Variants in CACNG5 observed in about 807,000 individuals in gnomAD.
CACNG5 encodes voltage-dependent calcium channel gamma-5 subunit.
In CACNG5, 18 loss-of-function variants were observed where a neutral mutation model predicts 24.8. The observed-to-expected ratio is 0.73, with a 90% CI of 0.50 to 1.08. The LOEUF (loss-of-function observed/expected upper bound fraction) is 1.08, where lower values mean the gene tolerates loss of function less well. Among genes scored for constraint, CACNG5 ranks in the 50% least tolerant of loss-of-function variants. CACNG5 has a pLI of 0.00. For synonymous variants in CACNG5, 157 were observed against 149.1 expected (o/e 1.05, Z -0.39); for missense variants, 349 against 367.9 (o/e 0.95, Z 0.42).
At position 66,884,633 on chromosome 17, in the gene CACNG5, TCGC is replaced by T; in HGVS notation, c.547_549del (p.Ala183del). 1 of 1,614,170 alleles carries T rather than the reference TCGC, an allele frequency of 6.2e-7. No individual in the cohort carries two copies. The highest frequency in any genetic ancestry group is 8.5e-7 in the Non-Finnish European group (1 of 1,180,040). ...TACAAGTATGGGTGGTCGTTTGCCT[TCGC>T]CGCCATCTCCTTCCTTTTAACGGAG... is the stretch of plus-strand genomic sequence containing the variant. On this transcript the variant is annotated inframe_deletion, in exon 5 of 6. Coordinates refer to ENST00000533854, the MANE Select transcript of CACNG5 (RefSeq NM_145811.3).
At chr17:66,844,908 A>C (rs924391800) in intron 1 of CACNG5, among the ~76,000 whole-genome samples, 1 of 152,196 alleles carries the variant, frequency 6.6e-6, no homozygotes, top group African/African-American at 2.4e-5. Context: ...AATGTAACCA[A>C]AATGTCTAGC....
chr17:66,879,020 A>G lies in CACNG5; in HGVS notation c.245A>G (p.Asn82Ser). 6.2e-7 allele frequency: 1 copy of G among 1,614,004 alleles called. No individual in the cohort carries two copies. The highest frequency in any genetic ancestry group is 8.5e-7 in the Non-Finnish European group (1 of 1,179,942). The stretch of plus-strand genomic sequence containing the variant: ...ACCATAGAATATGTGATGCCCATGA[A>G]CACCCAGCTGACATCCGAGTCCACG... ...CFTIEYVMPM[N>S]TQLTSESTVN... Residue 82 changes from asparagine to serine, a missense_variant, in exon 3 of 6, where the codon AAC becomes AGC. Physicochemically the swap from Asn to Ser is conservative, Grantham distance 46 (BLOSUM62 1). Transcript: ENST00000533854.
At chr17:66,876,234 C>T (rs982868182) in intron 1 of CACNG5, among the ~76,000 whole-genome samples, 1 of 152,218 alleles carries the variant, frequency 6.6e-6, no homozygotes, top group Non-Finnish European at 1.5e-5. Flanking sequence ...TTAAAAAATA[C>T]CATTGTCCAG....
chr17:66,879,116 G>T, intron 3 of CACNG5, 58 bp downstream of exon 3: 1 of 1,274,176 alleles, frequency 7.8e-7, no homozygotes, highest in Non-Finnish European at 1.1e-6. Context: ...GAGCAAGGCA[G>T]AGGGAAGAGT....
At chr17:66,880,739 TG>T in intron 4 of CACNG5, 42 bp downstream of exon 4, 1 of 1,599,454 alleles carries the variant, frequency 6.3e-7, no homozygotes, top group Non-Finnish European at 8.5e-7. Flanking sequence ...TGGAATTTTT[TG>T]TTTTTTGTTT....
intron 1 of CACNG5, among the ~76,000 whole-genome samples, chr17:66,857,047 T>C (rs912608145): frequency 6.6e-6 from 1 of 151,676 alleles, no homozygotes; most frequent in Non-Finnish European, 1.5e-5. Context: ...GAAAACACAT[T>C]TTTATTTCAA....
intron 1 of CACNG5, among the ~76,000 whole-genome samples, chr17:66,838,774 C>T (rs1018452876): frequency 2.0e-5 from 3 of 152,010 alleles, no homozygotes; most frequent in African/African-American, 7.3e-5. Context: ...TTATTGAGCA[C>T]CTGCTATGCA....
chr17:66,868,883 G>A (rs962956318), intron 1 of CACNG5, among the ~76,000 whole-genome samples: 4 of 152,154 alleles, frequency 2.6e-5, no homozygotes, highest in Admixed American at 2.0e-4. Flanking sequence ...ATATGGAGAT[G>A]AGAGAGGAGA....
At chr17:66,835,715 C>G (rs1036759329) in intron 1 of CACNG5, among the ~76,000 whole-genome samples, 1 of 152,152 alleles carries the variant, frequency 6.6e-6, no homozygotes, top group African/African-American at 2.4e-5. Context: ...GGCCTCATTT[C>G]TCCAGCTCGT....
intron 1 of CACNG5, among the ~76,000 whole-genome samples, chr17:66,873,100 T>C (rs1405929234): frequency 6.6e-6 from 1 of 152,152 alleles, no homozygotes. Context: ...CCTGAGTTTC[T>C]CCATCCACAA....
chr17:66,850,143 G>C (rs1231072393), intron 1 of CACNG5, among the ~76,000 whole-genome samples: 4 of 152,176 alleles, frequency 2.6e-5, no homozygotes, highest in Admixed American at 6.5e-5. Flanking sequence ...CTCCACCCCA[G>C]CCTGTCTTCC....
chr17:66,873,467 C>T (rs890141975), intron 1 of CACNG5, among the ~76,000 whole-genome samples: 4 of 152,204 alleles, frequency 2.6e-5, no homozygotes, highest in South Asian at 4.2e-4. Context: ...ATCCAATCTC[C>T]TCTCCACTTT....
rs1023242821 is a variant in CACNG5, at chr17:66,883,362, G to T, written c.425-1154G>T. Among the ~76,000 whole-genome samples the T allele has an allele frequency of 1.1e-4, 17 of 152,088 alleles. 1 individual carries two copies. The highest frequency in any genetic ancestry group is 2.2e-4 in the Non-Finnish European group (15 of 68,004). ...CATTTCAATGATAACAATAAAGAGG[G>T]TTCATTTAGTGCACCAATGATTCAA... is the stretch of plus-strand genomic sequence containing the variant. On this transcript the variant is annotated intron_variant, in intron 4 of 5. Coordinates refer to ENST00000533854, the MANE Select transcript of CACNG5 (RefSeq NM_145811.3).
At chr17:66,873,343 G>C (rs1977036090) in intron 1 of CACNG5, among the ~76,000 whole-genome samples, 1 of 152,186 alleles carries the variant, frequency 6.6e-6, no homozygotes, top group African/African-American at 2.4e-5. Flanking sequence ...TCTGGAAATA[G>C]ATGAAACTTT....
intron 4 of CACNG5, among the ~76,000 whole-genome samples, chr17:66,882,082 T>G (rs1977166009): frequency 6.6e-6 from 1 of 151,876 alleles, no homozygotes; most frequent in South Asian, 2.1e-4. Flanking sequence ...GCAGGGAGAC[T>G]AGGCAAGAGG....
intron 1 of CACNG5, among the ~76,000 whole-genome samples, chr17:66,842,339 A>T (rs1976581481): frequency 6.6e-6 from 1 of 152,164 alleles, no homozygotes; most frequent in Non-Finnish European, 1.5e-5. Context: ...CATGGGTAAG[A>T]CAGATAATGA....
intron 1 of CACNG5, among the ~76,000 whole-genome samples, chr17:66,868,890 G>A (rs1976965386): frequency 6.6e-6 from 1 of 152,172 alleles, no homozygotes; most frequent in African/African-American, 2.4e-5. Flanking sequence ...GATGAGAGAG[G>A]AGACAGGAGG....
intron 1 of CACNG5, among the ~76,000 whole-genome samples, chr17:66,844,392 G>A (rs1369116602): frequency 6.6e-6 from 1 of 152,168 alleles, no homozygotes; most frequent in Non-Finnish European, 1.5e-5. Context: ...ACCTCTTTGA[G>A]CCTCAGCTTC....
At chr17:66,835,796 T>G (rs1044911841) in intron 1 of CACNG5, among the ~76,000 whole-genome samples, 1 of 152,008 alleles carries the variant, frequency 6.6e-6, no homozygotes, top group Admixed American at 6.6e-5. Context: ...CAGGAGCCAC[T>G]GAGCAGAGAT....
Sources: allele counts gnomAD v4.1 joint callset (sites outside exome capture counted in the v4.1 genomes callset), GRCh38; gene constraint gnomAD v4.1.1; transcripts MANE v1.5; gene names NCBI Gene and HGNC (gene_info 2026-07-23, HGNC 2026-07-21).